Variants in RPA3 observed in about 807,000 individuals in gnomAD.
The protein encoded by RPA3 is replication protein A3.
RPA3 carries 24 observed loss-of-function variants against 13.7 expected under a neutral mutation model. The observed-to-expected ratio is 1.75, with a 90% CI of 1.27 to 2.46. The LOEUF (loss-of-function observed/expected upper bound fraction) is 2.46. Among genes scored for constraint, RPA3 ranks in the 30% most tolerant of loss-of-function variants. RPA3 has a pLI of 0.00. For missense variants in RPA3, 183 were observed against 151.0 expected (o/e 1.21, Z -1.11); for synonymous variants, 59 against 51.2 (o/e 1.15, Z -0.65).
intron 2 of RPA3, among the ~76,000 whole-genome samples, chr7:7,707,980 G>C (rs1485955795): frequency 1.3e-5 from 2 of 152,130 alleles, no homozygotes; most frequent in African/African-American, 4.8e-5. Flanking sequence ...TGATCCTTTA[G>C]TTGTCACTTT....
intron 4 of RPA3, among the ~76,000 whole-genome samples, chr7:7,646,977 C>T (rs1785111013): frequency 6.6e-6 from 1 of 152,164 alleles, no homozygotes; most frequent in African/African-American, 2.4e-5. Context: ...GGAGCCCTCG[C>T]CAGGGACCCC....
intron 4 of RPA3, among the ~76,000 whole-genome samples, chr7:7,674,070 T>A (rs1284524685): frequency 1.3e-5 from 2 of 152,184 alleles, no homozygotes; most frequent in Non-Finnish European, 2.9e-5. Context: ...TTGCACAACA[T>A]CTTTGTATGC....
chr7:7,708,927 C>T (rs924848512), intron 2 of RPA3, among the ~76,000 whole-genome samples: 2 of 148,818 alleles, frequency 1.3e-5, no homozygotes, highest in African/African-American at 5.0e-5. Context: ...GTTTGTGTGT[C>T]TGTGTGTGTG....
intron 4 of RPA3, among the ~76,000 whole-genome samples, chr7:7,642,307 AT>A (rs34122358): frequency 1.3e-5 from 2 of 149,460 alleles, no homozygotes; most frequent in African/African-American, 2.5e-5. Flanking sequence ...GCTAATAAAG[AT>A]TTTTTTTTTG....
chr7:7,647,320 A>C (rs77655130), intron 4 of RPA3, among the ~76,000 whole-genome samples: 1,660 of 152,314 alleles, frequency 0.011, 32 homozygotes, highest in African/African-American at 0.037. Context: ...ACTGCATTAT[A>C]ATCTGAGGGT....
At chr7:7,664,689 G>A (rs926399821) in intron 4 of RPA3, among the ~76,000 whole-genome samples, 4 of 152,096 alleles carry the variant, frequency 2.6e-5, no homozygotes, top group Non-Finnish European at 4.4e-5. Flanking sequence ...CCTAGTCTGC[G>A]CAGCCTACCA....
At chr7:7,712,357 A>T (rs1336329366) in intron 2 of RPA3, among the ~76,000 whole-genome samples, 1 of 152,090 alleles carries the variant, frequency 6.6e-6, no homozygotes, top group Admixed American at 6.5e-5. Context: ...ATTTCTGTCC[A>T]TTTGCTTAGG....
At chr7:7,682,471 C>T (rs372522454) in intron 4 of RPA3, among the ~76,000 whole-genome samples, 29 of 152,164 alleles carry the variant, frequency 1.9e-4, no homozygotes, top group African/African-American at 5.5e-4. Flanking sequence ...GTCTCTTCAT[C>T]GCTGTGTTGT....
chr7:7,640,285 C>T, intron 5 of RPA3, 35 bp downstream of exon 5: 2 of 1,606,564 alleles, frequency 1.2e-6, no homozygotes, highest in Non-Finnish European at 8.5e-7. Flanking sequence ...CCTCCAGCTA[C>T]GGACTTGGGA....
chr7:7,694,555 C>G (rs915317126), intron 2 of RPA3, among the ~76,000 whole-genome samples: 7 of 151,786 alleles, frequency 4.6e-5, no homozygotes, highest in East Asian at 1.9e-4. Context: ...TTCCCAGACT[C>G]TGGTAACCAT....
intron 4 of RPA3, among the ~76,000 whole-genome samples, chr7:7,661,363 TATG>T (rs1785470216): frequency 6.6e-6 from 1 of 152,210 alleles, no homozygotes; most frequent in African/African-American, 2.4e-5. Flanking sequence ...GCTGAGGAGT[TATG>T]ATCCTTTGGA....
At chr7:7,709,177 ACTGT>A (rs1388445461) in intron 2 of RPA3, among the ~76,000 whole-genome samples, 1 of 152,174 alleles carries the variant, frequency 6.6e-6, no homozygotes, top group Non-Finnish European at 1.5e-5. Flanking sequence ...TTTGAAATTG[ACTGT>A]CTTTGTTTTC....
At position 7,699,893 on chromosome 7, in the gene RPA3, C is replaced by A. The variant is rs112583322; in HGVS notation, c.-1027-12565G>T. On this transcript the variant is annotated intron_variant, in intron 2 of 7. Transcript: ENST00000223129. ...AATACTGTTTATATAAGTGGAAATA[C>A]GTGTTTTGTTTATTCATAGATTATA... Among the ~76,000 whole-genome samples the A allele has an allele frequency of 4.6e-3, 694 of 152,188 alleles. 4 individuals are homozygous for A. Among genetic ancestry groups the A allele is most frequent in the Middle Eastern group, 0.017 (5 of 294 alleles).
intron 2 of RPA3, among the ~76,000 whole-genome samples, chr7:7,708,727 A>C (rs1002759067): frequency 6.6e-6 from 1 of 152,200 alleles, no homozygotes; most frequent in East Asian, 1.9e-4. Flanking sequence ...GATTTGACTG[A>C]AACGAGCAAC....
At chr7:7,707,849 T>C (rs1780644956) in intron 2 of RPA3, among the ~76,000 whole-genome samples, 1 of 152,214 alleles carries the variant, frequency 6.6e-6, no homozygotes, top group African/African-American at 2.4e-5. Context: ...GATCTTTTAA[T>C]GTAGTTATTT....
intron 2 of RPA3, among the ~76,000 whole-genome samples, chr7:7,703,057 C>T (rs1780502476): frequency 6.6e-6 from 1 of 152,198 alleles, no homozygotes. Flanking sequence ...GTTAGTACTA[C>T]ACTGAGTTTA....
intron 4 of RPA3, among the ~76,000 whole-genome samples, chr7:7,644,891 T>A (rs1407331544): frequency 2.6e-5 from 4 of 152,232 alleles, no homozygotes; most frequent in Non-Finnish European, 2.9e-5. Context: ...CACTGTATCC[T>A]TGGATGTATT....
chr7:7,696,999 T>A (rs1780336125), intron 2 of RPA3, among the ~76,000 whole-genome samples: 1 of 152,194 alleles, frequency 6.6e-6, no homozygotes, highest in Non-Finnish European at 1.5e-5. Flanking sequence ...AAACACCCTC[T>A]CTTTGCTCCA....
rs1785047473 is a variant in RPA3 at position 7,644,353 on chromosome 7, CCTT to C, written c.-757-3181_-757-3179del. Among the ~76,000 whole-genome samples the C allele has an allele frequency of 4.1e-5, 5 of 122,300 alleles. No individual in the cohort carries two copies. The South Asian group carries it at 1.2e-3, about 29-fold the overall frequency. The allele number at this position is 122,300 out of a possible 152,430, so 80.2% of individuals were successfully genotyped here. A position where few individuals can be genotyped will look rare whatever the true frequency, so the allele number is the denominator to read the frequency against. On this transcript the variant is annotated intron_variant, in intron 4 of 7. Coordinates refer to ENST00000223129, the MANE Select transcript of RPA3 (RefSeq NM_002947.5). ...TTTCCGTTTCCTTCCTTCATTCCAT[CCTT>C]TTTTTTTTTTTATTAGGAAGACCTC...
Sources: allele counts gnomAD v4.1 joint callset (sites outside exome capture counted in the v4.1 genomes callset), GRCh38; gene constraint gnomAD v4.1.1; transcripts MANE v1.5; gene names NCBI Gene and HGNC (gene_info 2026-07-23, HGNC 2026-07-21).